Variants in PRKCB observed in about 807,000 individuals in gnomAD.
The protein encoded by PRKCB is protein kinase C beta.
In PRKCB, 13 loss-of-function variants were observed where a neutral mutation model predicts 81.5. That is an observed-to-expected ratio of 0.16 (90% confidence interval 0.10 to 0.25). The LOEUF (loss-of-function observed/expected upper bound fraction) is 0.25. Among genes scored for constraint, PRKCB ranks in the 10% least tolerant of loss-of-function variants. The probability of loss-of-function intolerance (pLI) is 1.00; values close to 1 mark genes in which losing one functional copy is unlikely to be tolerated. For missense variants in PRKCB, 509 were observed against 875.7 expected (o/e 0.58, Z 5.29); for synonymous variants, 335 against 321.4 (o/e 1.04, Z -0.45).
chr16:24,057,226 G>A (rs1965913921), intron 5 of PRKCB, among the ~76,000 whole-genome samples: 1 of 152,138 alleles, frequency 6.6e-6, no homozygotes, highest in Non-Finnish European at 1.5e-5. Context: ...TGCTTCTTTG[G>A]TCCCATTAGA....
At chr16:24,035,920 A>G (rs1401819561) in intron 5 of PRKCB, among the ~76,000 whole-genome samples, 2 of 152,110 alleles carry the variant, frequency 1.3e-5, no homozygotes, top group Non-Finnish European at 2.9e-5. Context: ...TCCTTTACTC[A>G]GATAGCAGAG....
intron 2 of PRKCB, among the ~76,000 whole-genome samples, chr16:23,933,960 T>TCATCCATCCATC (rs10580054): frequency 5.4e-5 from 7 of 130,088 alleles, no homozygotes; most frequent in African/African-American, 1.8e-4. Flanking sequence ...TCCACCTACC[T>TCATCCATCCATC]CATCCATCCA....
intron 2 of PRKCB, among the ~76,000 whole-genome samples, chr16:23,920,748 C>T (rs1963812413): frequency 1.3e-5 from 2 of 152,134 alleles, no homozygotes; most frequent in Non-Finnish European, 2.9e-5. Flanking sequence ...GAAGAACAGC[C>T]CTTCAAGAGT....
At chr16:24,023,420 G>A (rs1297616945) in intron 3 of PRKCB, among the ~76,000 whole-genome samples, 1 of 152,194 alleles carries the variant, frequency 6.6e-6, no homozygotes, top group Admixed American at 6.5e-5. Flanking sequence ...CCAGGCTGGA[G>A]TGCAGTGGCG....
intron 8 of PRKCB, among the ~76,000 whole-genome samples, chr16:24,117,440 T>G (rs977848628): frequency 9.9e-5 from 15 of 152,226 alleles, no homozygotes; most frequent in Non-Finnish European, 1.9e-4. Context: ...AATTTATTTG[T>G]ATAACAAAGT....
chr16:24,207,343 A>G (rs768534838), intron 16 of PRKCB, among the ~76,000 whole-genome samples: 1 of 152,212 alleles, frequency 6.6e-6, no homozygotes, highest in Non-Finnish European at 1.5e-5. Context: ...TCTTATTACA[A>G]AATAATAATA....
At position 24,215,431 on chromosome 16, in the gene PRKCB, C is replaced by A; in HGVS notation, c.*615C>A. On this transcript the variant is annotated 3_prime_UTR_variant, in exon 17 of 17. Coordinates refer to ENST00000643927, the MANE Select transcript of PRKCB (RefSeq NM_002738.7). ...AAAAGCACTTCAAGGGGTCAAAGGG[C>A]AACCAGCTTGGGTGCTACCTCAGTG... 1.0e-6 allele frequency: 1 copy of A among 985,842 alleles called. No homozygotes were observed. Among genetic ancestry groups the A allele is most frequent in the Non-Finnish European group, 1.2e-6 (1 of 830,002 alleles). 61.1% of individuals were successfully genotyped at this position (985,842 alleles called of 1,614,324 possible).
At chr16:24,167,879 T>C (rs892279722) in intron 10 of PRKCB, among the ~76,000 whole-genome samples, 2 of 152,210 alleles carry the variant, frequency 1.3e-5, no homozygotes, top group African/African-American at 4.8e-5. Flanking sequence ...GAGCTTCAAC[T>C]TTCTCCTCTT....
At chr16:24,124,714 A>C (rs1448696800) in intron 9 of PRKCB, among the ~76,000 whole-genome samples, 1 of 152,186 alleles carries the variant, frequency 6.6e-6, no homozygotes, top group Non-Finnish European at 1.5e-5. Context: ...TTTGCGTGCC[A>C]CAAAGATGTC....
intron 2 of PRKCB, among the ~76,000 whole-genome samples, chr16:23,874,498 A>G (rs547104370): frequency 2.0e-5 from 3 of 151,888 alleles, no homozygotes; most frequent in Admixed American, 1.3e-4. Flanking sequence ...ACAAATAAGT[A>G]TGTAATATTT....
intron 2 of PRKCB, among the ~76,000 whole-genome samples, chr16:23,978,787 A>G (rs1396653074): frequency 1.3e-5 from 2 of 152,200 alleles, no homozygotes; most frequent in Admixed American, 1.3e-4. Context: ...TTATATCTGT[A>G]CTATCCAATG....
At chr16:23,866,978 CCTTCCT>C (rs1567295041) in intron 2 of PRKCB, among the ~76,000 whole-genome samples, 1 of 94,344 alleles carries the variant, frequency 1.1e-5, no homozygotes, top group Non-Finnish European at 2.2e-5. Context: ...CCCTTCCTTC[CCTTCCT>C]TCCCTTCCTT....
chr16:24,118,732 A>G (rs1966763606), intron 8 of PRKCB, among the ~76,000 whole-genome samples: 1 of 152,228 alleles, frequency 6.6e-6, no homozygotes, highest in Admixed American at 6.5e-5. Flanking sequence ...AAAGGCAACC[A>G]TTAGTGTATT....
At chr16:24,182,902 T>TGTGTGTGTG (rs56902454) in intron 13 of PRKCB, among the ~76,000 whole-genome samples, 6 of 151,436 alleles carry the variant, frequency 4.0e-5, no homozygotes, top group Admixed American at 1.3e-4. Context: ...TGTGTGTGTG[T>TGTGTGTGTG]TTGAGACAGG....
At chr16:24,118,487 T>C (rs1345325974) in intron 8 of PRKCB, among the ~76,000 whole-genome samples, 2 of 152,228 alleles carry the variant, frequency 1.3e-5, no homozygotes, top group African/African-American at 2.4e-5. Flanking sequence ...CCTGCCCCAC[T>C]GCTGGGTAGC....
At chr16:23,896,648 G>A (rs570699717) in intron 2 of PRKCB, among the ~76,000 whole-genome samples, 1 of 152,290 alleles carries the variant, frequency 6.6e-6, no homozygotes, top group Non-Finnish European at 1.5e-5. Context: ...GCTGTGTGAA[G>A]AGAGGAAGGA....
chr16:24,015,126 C>G (rs1965260340), intron 3 of PRKCB, among the ~76,000 whole-genome samples: 1 of 152,012 alleles, frequency 6.6e-6, no homozygotes, highest in Non-Finnish European at 1.5e-5. Context: ...AGATGAGGAC[C>G]CTGAAGCTCA....
rs1029304071 is a variant in PRKCB at position 23,900,629 on chromosome 16, C to CT, written c.205+63232dup. On this transcript the variant is annotated intron_variant, in intron 2 of 16. Transcript: ENST00000643927. ...TCACACATATTTTTTTCCTTGTTGC[C>CT]TTTTTTTTTCCTATGTGATGACGTA... Among the ~76,000 whole-genome samples, 23 of 147,394 alleles carry CT rather than the reference C, an allele frequency of 1.6e-4. 1 individual carries two copies. The South Asian group carries it at 3.2e-3, about 21-fold the overall frequency.
chr16:23,998,804 G>A (rs73540964), intron 3 of PRKCB, among the ~76,000 whole-genome samples: 1 of 152,042 alleles, frequency 6.6e-6, no homozygotes, highest in Non-Finnish European at 1.5e-5. Flanking sequence ...ACCAGGAAAG[G>A]GTGAAGAATG....
Sources: gnomAD v4.1 joint callset for allele counts (sites outside exome capture counted in the v4.1 genomes callset) on GRCh38, gnomAD v4.1.1 for gene constraint, MANE v1.5 for transcripts, NCBI Gene and HGNC (gene_info 2026-07-23, HGNC 2026-07-21) for gene names.